ZNF385D: variants seen among roughly 807,000 people sequenced by gnomAD.
ZNF385D encodes zinc finger protein 659.
ZNF385D carries 15 observed loss-of-function variants against 35.8 expected under a neutral mutation model. That is an observed-to-expected ratio of 0.42 (90% CI 0.28 to 0.64). The LOEUF is 0.64. ZNF385D is among the 30% of genes least tolerant of loss of function. The pLI is 0.23. For synonymous variants in ZNF385D, 212 were observed against 186.8 expected, an observed-to-expected ratio of 1.13 and a Z score of -1.10; for missense variants, 474 against 494.6, an observed-to-expected ratio of 0.96 and a Z score of 0.39.
At chr3:22,356,566 T>C (rs529897631) in intron 2 of ZNF385D, among the ~76,000 whole-genome samples, 1 of 152,082 alleles carries the variant, frequency 6.6e-6, no homozygotes, top group East Asian at 1.9e-4. Context: ...TCCCAACTGA[T>C]CATCTTTACA....
At chr3:22,035,335 A>C (rs964290731) in intron 3 of ZNF385D, among the ~76,000 whole-genome samples, 2 of 152,206 alleles carry the variant, frequency 1.3e-5, no homozygotes, top group African/African-American at 4.8e-5. Context: ...CCCATCTAGC[A>C]ATATCTTCTC....
At chr3:22,153,126 C>T (rs1705355622) in intron 3 of ZNF385D, among the ~76,000 whole-genome samples, 1 of 152,152 alleles carries the variant, frequency 6.6e-6, no homozygotes, top group Non-Finnish European at 1.5e-5. Flanking sequence ...GGGCTCCCTT[C>T]CTGACCTCTG....
At chr3:21,729,965 C>G (rs572659971) in intron 1 of ZNF385D, among the ~76,000 whole-genome samples, 1 of 152,318 alleles carries the variant, frequency 6.6e-6, no homozygotes, top group South Asian at 2.1e-4. Flanking sequence ...TCTTCCTTCA[C>G]TCACTTATCT....
At position 21,574,831 on chromosome 3, in the gene ZNF385D, T is replaced by C. The variant is rs528788010; in HGVS notation, c.166-10147A>G. Among the ~76,000 whole-genome samples the C allele has an allele frequency of 2.6e-4, 39 of 152,230 alleles. No individual in the cohort carries two copies. In the South Asian group the frequency reaches 7.5e-3, roughly 29 times the overall value. On this transcript the variant is annotated intron_variant, in intron 2 of 7. Transcript: ENST00000281523. Reference sequence around the variant, plus strand: ...AAGTTAATAATATACATGCATCAATTCCATAAATTGATTGTGGATGCAAAT... The same window carrying C: ...AAGTTAATAATATACATGCATCAATCCCATAAATTGATTGTGGATGCAAAT...
intron 3 of ZNF385D, among the ~76,000 whole-genome samples, chr3:22,043,454 A>G (rs546352635): frequency 1.3e-5 from 2 of 152,258 alleles, no homozygotes; most frequent in South Asian, 4.1e-4. Flanking sequence ...TTTTAAAACA[A>G]AGGAAAGTAT....
At chr3:21,651,511 T>A (rs62237409) in intron 2 of ZNF385D, among the ~76,000 whole-genome samples, 18,292 of 151,838 alleles carry the variant, frequency 0.12, 1,185 homozygotes, top group East Asian at 0.15. Context: ...AGCAATGTGG[T>A]ATTTTTTTTT....
chr3:22,264,519 T>C (rs2638160), intron 2 of ZNF385D, among the ~76,000 whole-genome samples: 3 of 152,016 alleles, frequency 2.0e-5, no homozygotes, highest in African/African-American at 7.2e-5. Flanking sequence ...CCTAACATGT[T>C]TCTTTATTTG....
intron 3 of ZNF385D, among the ~76,000 whole-genome samples, chr3:21,759,255 G>A (rs1255646267): frequency 6.6e-6 from 1 of 152,056 alleles, no homozygotes; most frequent in Non-Finnish European, 1.5e-5. Context: ...CTTAAGCCCT[G>A]TCTTTAATAT....
chr3:21,964,537 TG>T (rs1410666762), intron 3 of ZNF385D, among the ~76,000 whole-genome samples: 1 of 127,208 alleles, frequency 7.9e-6, no homozygotes, highest in Non-Finnish European at 1.6e-5. Flanking sequence ...TCGCCCAGGC[TG>T]GTGTGCAGTG....
intron 3 of ZNF385D, among the ~76,000 whole-genome samples, chr3:21,997,653 T>C (rs1210569474): frequency 6.6e-6 from 1 of 152,126 alleles, no homozygotes; most frequent in African/African-American, 2.4e-5. Flanking sequence ...TATCATAGTT[T>C]ATTTCTCTTT....
chr3:21,905,198 A>T (rs73129338), intron 3 of ZNF385D, among the ~76,000 whole-genome samples: 16,888 of 142,660 alleles, frequency 0.12, 1,409 homozygotes, highest in East Asian at 0.31. Context: ...TCCAGTAACA[A>T]AAAATCCAAA....
chr3:21,811,809 C>T (rs192498643), intron 3 of ZNF385D, among the ~76,000 whole-genome samples: 1 of 152,188 alleles, frequency 6.6e-6, no homozygotes, highest in African/African-American at 2.4e-5. Context: ...AATAAGGTGC[C>T]TAGGCAATCA....
chr3:21,868,850 G>T (rs1697528344), intron 3 of ZNF385D, among the ~76,000 whole-genome samples: 1 of 152,128 alleles, frequency 6.6e-6, no homozygotes, highest in Non-Finnish European at 1.5e-5. Flanking sequence ...TTGCATTGTG[G>T]ACATGTTATC....
At chr3:22,304,458 G>C (rs561826697) in intron 2 of ZNF385D, among the ~76,000 whole-genome samples, 1 of 152,242 alleles carries the variant, frequency 6.6e-6, no homozygotes, top group African/African-American at 2.4e-5. Flanking sequence ...AGGTATATTA[G>C]AGACTTTTCC....
Position 21,902,007 on chromosome 3 carries a change from C to T in ZNF385D, c.326-236979G>A, listed in dbSNP as rs1316452594. On this transcript the variant is annotated intron_variant, in intron 3 of 5. Coordinates refer to the ZNF385D transcript ENST00000494108. ...TCTGTCCATTGGGTGATAAGCTATT[C>T]TTTATTCCCTTTGGTCTCCTGAAAC... Among the ~76,000 whole-genome samples the T allele has an allele frequency of 2.6e-5, 4 of 152,204 alleles. No homozygotes were observed. The East Asian group carries it at 7.7e-4, about 29-fold the overall frequency.
intron 3 of ZNF385D, among the ~76,000 whole-genome samples, chr3:21,764,880 T>A (rs536769332): frequency 2.0e-5 from 3 of 152,180 alleles, no homozygotes; most frequent in African/African-American, 7.2e-5. Flanking sequence ...CCAAGCTTAT[T>A]TTTTTTCCAA....
chr3:21,968,184 C>T (rs971012346), intron 3 of ZNF385D, among the ~76,000 whole-genome samples: 5 of 152,082 alleles, frequency 3.3e-5, no homozygotes, highest in African/African-American at 1.2e-4. Context: ...TCGGGTGGAA[C>T]GCAGCCAATG....
At chr3:22,102,394 T>A (rs1344998492) in intron 3 of ZNF385D, among the ~76,000 whole-genome samples, 1 of 152,032 alleles carries the variant, frequency 6.6e-6, no homozygotes, top group Non-Finnish European at 1.5e-5. Flanking sequence ...TAGTAAGAGT[T>A]AAAATATGAA....
intron 3 of ZNF385D, among the ~76,000 whole-genome samples, chr3:22,020,000 A>G (rs1057045945): frequency 2.0e-5 from 3 of 151,946 alleles, no homozygotes; most frequent in Non-Finnish European, 2.9e-5. Flanking sequence ...AAATGACTGC[A>G]TAAATGCTTT....
Sources: allele counts gnomAD v4.1 joint callset (sites outside exome capture counted in the v4.1 genomes callset), GRCh38; gene constraint gnomAD v4.1.1; transcripts MANE v1.5; gene names NCBI Gene and HGNC (gene_info 2026-07-23, HGNC 2026-07-21).